Variants in C11orf65 observed in about 807,000 individuals in gnomAD.
The protein encoded by C11orf65 is protein MFI.
A neutral mutation model predicts 35.3 loss-of-function variants in C11orf65; 38 were observed. The observed-to-expected ratio is 1.08, with a 90% CI of 0.83 to 1.41. The LOEUF (loss-of-function observed/expected upper bound fraction) is 1.41, where lower values mean the gene tolerates loss of function less well. C11orf65 is among the 40% of genes most tolerant of loss of function. The probability of loss-of-function intolerance (pLI) is 0.00; values close to 1 mark genes in which losing one functional copy is unlikely to be tolerated. For missense variants in C11orf65, 370 were observed against 367.1 expected (o/e 1.01, Z -0.06); for synonymous variants, 105 against 114.4 (o/e 0.92, Z 0.53).
downstream of C11orf65, chr11:108,330,272 A>T (rs2136455624): frequency 6.2e-7 from 1 of 1,614,214 alleles, no homozygotes; most frequent in South Asian, 1.1e-5. Context: ...GCGTGCACTG[A>T]AAGAGGATCG....
At position 108,357,171 on chromosome 11, in the gene C11orf65, G is replaced by T. The variant is rs535421492; in HGVS notation, c.227-21879C>A. ...CAGGGAGTTCCCTTTCCTAGTCAAA[G>T]AAAGGGGTGACAGACGGCACCTGGA... On this transcript the variant is annotated intron_variant, in intron 2 of 3. Transcript: ENST00000524755. Among the ~76,000 whole-genome samples the T allele has an allele frequency of 4.4e-4, 67 of 152,346 alleles. 1 individual carries two copies. The highest frequency in any genetic ancestry group is 2.9e-5 in the Non-Finnish European group (2 of 68,030).
At chr11:108,408,230 C>G (rs550180485) in intron 3 of C11orf65, among the ~76,000 whole-genome samples, 33 of 151,788 alleles carry the variant, frequency 2.2e-4, no homozygotes, top group African/African-American at 7.0e-4. Flanking sequence ...ATTTTTTAGT[C>G]ATAAAACTTA....
In C11orf65 at chr11:108,427,721, CAA is replaced by C. The variant is rs1176005299; in HGVS notation, c.174+4023_174+4024del. Among the ~76,000 whole-genome samples, 87 of 40,706 alleles carry C rather than the reference CAA, an allele frequency of 2.1e-3. 1 individual carries two copies. Among genetic ancestry groups the C allele is most frequent in the East Asian group, 8.7e-3 (9 of 1,036 alleles). 26.7% of individuals were successfully genotyped at this position (40,706 alleles called of 152,430 possible). On this transcript the variant is annotated intron_variant, in intron 3 of 8. Coordinates refer to ENST00000393084, the MANE Select transcript of C11orf65 (RefSeq NM_152587.5). Reference sequence around the variant, plus strand: ...TGGGCGACAGAGCGAAACTCCGCCTCAAAAAAAAAAAAAAAAAAAAAAAAGCT... The same window carrying C: ...TGGGCGACAGAGCGAAACTCCGCCTCAAAAAAAAAAAAAAAAAAAAAAGCT...
At chr11:108,464,226 G>A (rs1162252981) in intron 1 of C11orf65, among the ~76,000 whole-genome samples, 3 of 151,982 alleles carry the variant, frequency 2.0e-5, no homozygotes, top group Non-Finnish European at 2.9e-5. Context: ...TGCGCTCAGC[G>A]GCAACAATTT....
intron 3 of C11orf65, among the ~76,000 whole-genome samples, chr11:108,412,734 C>G (rs529990006): frequency 3.3e-5 from 5 of 151,546 alleles, no homozygotes; most frequent in Admixed American, 2.6e-4. Flanking sequence ...GAGGCTTTAT[C>G]GAAGAGGAAG....
At chr11:108,311,419 G>A (rs1015135759) in intron 6 of C11orf65, among the ~76,000 whole-genome samples, 12 of 152,258 alleles carry the variant, frequency 7.9e-5, no homozygotes, top group African/African-American at 2.9e-4. Context: ...AAGAAGGTTG[G>A]GCACAGTGGC....
chr11:108,358,135 C>G (rs2090251082), intron 2 of C11orf65, among the ~76,000 whole-genome samples: 1 of 151,262 alleles, frequency 6.6e-6, no homozygotes, highest in African/African-American at 2.4e-5. Context: ...GGCTCGAGAA[C>G]TATGTGAAGA....
intron 2 of C11orf65, among the ~76,000 whole-genome samples, chr11:108,370,725 A>G (rs1180045425): frequency 6.6e-6 from 1 of 151,308 alleles, no homozygotes; most frequent in African/African-American, 2.4e-5. Context: ...TTAGCAGTTT[A>G]TCTGCATTTA....
chr11:108,397,949 A>G (rs945851848), intron 6 of C11orf65, among the ~76,000 whole-genome samples: 5 of 152,216 alleles, frequency 3.3e-5, no homozygotes, highest in Admixed American at 1.3e-4. Flanking sequence ...TGAGTATATA[A>G]AAGATCCATG....
chr11:108,432,943 T>G (rs2093009872), intron 2 of C11orf65, among the ~76,000 whole-genome samples: 1 of 152,294 alleles, frequency 6.6e-6, no homozygotes, highest in Admixed American at 6.5e-5. Context: ...TTATTATTTC[T>G]CTCTTCCTGT....
chr11:108,358,021 A>G (rs1490175576), intron 2 of C11orf65, among the ~76,000 whole-genome samples: 1 of 144,806 alleles, frequency 6.9e-6, no homozygotes, highest in Non-Finnish European at 1.5e-5. Context: ...CATTCAAACC[A>G]AAGGCAAATA....
intron 2 of C11orf65, among the ~76,000 whole-genome samples, chr11:108,359,413 C>T (rs1260381697): frequency 2.0e-5 from 3 of 152,070 alleles, no homozygotes; most frequent in Non-Finnish European, 4.4e-5. Context: ...CAAGGATACC[C>T]AGGAATTGAA....
chr11:108,446,939 T>C (rs888063074), intron 2 of C11orf65, among the ~76,000 whole-genome samples: 22 of 152,022 alleles, frequency 1.4e-4, no homozygotes, highest in Middle Eastern at 3.2e-3. Flanking sequence ...TGGAGGAAGA[T>C]CTGCCAAGCA....
intron 2 of C11orf65, among the ~76,000 whole-genome samples, chr11:108,448,737 C>T (rs546024174): frequency 6.6e-6 from 1 of 152,268 alleles, no homozygotes; most frequent in South Asian, 2.1e-4. Context: ...GACAGGATGC[C>T]CTCTCTCACC....
intron 2 of C11orf65, among the ~76,000 whole-genome samples, chr11:108,441,941 C>T (rs1252516565): frequency 6.6e-6 from 1 of 152,134 alleles, no homozygotes; most frequent in African/African-American, 2.4e-5. Context: ...CAGCTCCTTG[C>T]CAGCAACAGA....
intron 6 of C11orf65, chr11:108,321,514 G>A: frequency 6.4e-7 from 1 of 1,564,018 alleles, no homozygotes; most frequent in Non-Finnish European, 8.7e-7. Flanking sequence ...CGGGCACGGT[G>A]GCTCATGCCT....
intron 6 of C11orf65, chr11:108,310,282 C>T (rs2136017842): frequency 1.9e-6 from 3 of 1,613,238 alleles, no homozygotes; most frequent in Non-Finnish European, 2.5e-6. Context: ...GAAATCTATG[C>T]AGATAAGAAA....
chr11:108,439,990 A>C (rs768354663), intron 2 of C11orf65, among the ~76,000 whole-genome samples: 3 of 152,222 alleles, frequency 2.0e-5, no homozygotes, highest in Non-Finnish European at 4.4e-5. Flanking sequence ...CTACAATAAA[A>C]AAGTGAACAC....
At chr11:108,436,177 G>A (rs2093057752) in intron 2 of C11orf65, among the ~76,000 whole-genome samples, 1 of 151,990 alleles carries the variant, frequency 6.6e-6, no homozygotes, top group African/African-American at 2.4e-5. Flanking sequence ...ACTTCTAGAA[G>A]GAGGAAAAGG....
Sources: allele counts gnomAD v4.1 joint callset (sites outside exome capture counted in the v4.1 genomes callset), GRCh38; gene constraint gnomAD v4.1.1; transcripts MANE v1.5; gene names NCBI Gene and HGNC (gene_info 2026-07-23, HGNC 2026-07-21).